Variants in SMOC2 observed in about 807,000 individuals in gnomAD.
SMOC2 encodes SPARC related modular calcium binding 2.
In SMOC2, 39 loss-of-function variants were observed where a neutral mutation model predicts 61.4. That is an observed-to-expected ratio of 0.64 (90% CI 0.49 to 0.83). The LOEUF is 0.83. Ranked by LOEUF, SMOC2 falls within the 40% of genes least tolerant of loss-of-function variation. The pLI is 0.00. For synonymous variants in SMOC2, 247 were observed against 239.9 expected (o/e 1.03, Z -0.27); for missense variants, 556 against 592.9 (o/e 0.94, Z 0.65).
intron 4 of SMOC2, 121 bp downstream of exon 4, chr6:168,527,848 G>C: frequency 1.4e-6 from 1 of 708,958 alleles, no homozygotes; most frequent in Non-Finnish European, 2.5e-6. Context: ...CCGGCATTGT[G>C]AGCCACAGTG....
At chr6:168,504,439 T>C (rs1782815349) in intron 1 of SMOC2, among the ~76,000 whole-genome samples, 1 of 150,148 alleles carries the variant, frequency 6.7e-6, no homozygotes, top group South Asian at 2.2e-4. Context: ...AGGCATTAGA[T>C]TCTCATAAGG....
intron 2 of SMOC2, among the ~76,000 whole-genome samples, chr6:168,519,161 A>C (rs748438020): frequency 7.0e-6 from 1 of 142,910 alleles, no homozygotes. Flanking sequence ...GCGTGTGTGT[A>C]TGCGTGCATG....
At chr6:168,489,353 ATATCAAATCATC>A (rs1782415571) in intron 1 of SMOC2, among the ~76,000 whole-genome samples, 3 of 150,582 alleles carry the variant, frequency 2.0e-5, no homozygotes, top group African/African-American at 7.5e-5. Context: ...AGAGTGAAAT[ATATCAAATCATC>A]TGGGTCCCCT....
intron 7 of SMOC2, among the ~76,000 whole-genome samples, chr6:168,588,507 C>A (rs1265042858): frequency 6.6e-6 from 1 of 152,132 alleles, no homozygotes; most frequent in Non-Finnish European, 1.5e-5. Context: ...GGCTCCAAGG[C>A]CCCACCCCCA....
chr6:168,625,698 T>C (rs1786390215), intron 9 of SMOC2, among the ~76,000 whole-genome samples: 1 of 152,214 alleles, frequency 6.6e-6, no homozygotes, highest in Non-Finnish European at 1.5e-5. Flanking sequence ...CCGAGCCAAG[T>C]GCCTGTGTCC....
intron 1 of SMOC2, 36 bp from the exon 2 acceptor site, chr6:168,509,878 CT>C (rs779206576): frequency 2.5e-6 from 4 of 1,576,378 alleles, no homozygotes; most frequent in Admixed American, 3.5e-5. Context: ...AAGAATGTGT[CT>C]TTAAATTTGT....
chr6:168,511,326 C>T (rs1783002892), intron 2 of SMOC2, among the ~76,000 whole-genome samples: 1 of 152,080 alleles, frequency 6.6e-6, no homozygotes, highest in African/African-American at 2.4e-5. Flanking sequence ...AGGAAGCTTA[C>T]AATCATGGCA....
chr6:168,541,134 T>G (rs1436668305), intron 4 of SMOC2, among the ~76,000 whole-genome samples: 1 of 152,238 alleles, frequency 6.6e-6, no homozygotes, highest in Non-Finnish European at 1.5e-5. Flanking sequence ...ACTTTGTGGC[T>G]TCTTCCACCA....
At chr6:168,564,408 A>T (rs1477459453) in intron 7 of SMOC2, among the ~76,000 whole-genome samples, 1 of 152,188 alleles carries the variant, frequency 6.6e-6, no homozygotes, top group African/African-American at 2.4e-5. Context: ...CATATGAAAT[A>T]TAACACTTCA....
rs1235292500 is a variant in SMOC2 at position 168,535,414 on chromosome 6, T to TAAAAAA, written c.463+7691_463+7692insAAAAAA. On this transcript the variant is annotated intron_variant, in intron 4 of 12. Transcript: ENST00000356284. This position sits in a 1 kb window ranked among gnomAD's most constrained non-coding sequence, Gnocchi z 4.6. Reference sequence around the variant, plus strand: ...ATGTTGCAAAGATTTATGAAACTATTAAAATGTTGTGTGGCCCTTTAGCAA... The same window carrying TAAAAAA: ...ATGTTGCAAAGATTTATGAAACTATTAAAAAAAAAATGTTGTGTGGCCCTTTAGCAA... Among the ~76,000 whole-genome samples, 1 of 152,216 alleles carries TAAAAAA rather than the reference T, an allele frequency of 6.6e-6. No individual in the cohort carries two copies. The highest frequency in any genetic ancestry group is 1.5e-5 in the Non-Finnish European group (1 of 68,044).
intron 9 of SMOC2, among the ~76,000 whole-genome samples, chr6:168,643,655 C>T (rs1274204921): frequency 4.6e-5 from 7 of 152,160 alleles, no homozygotes; most frequent in East Asian, 1.9e-4. Flanking sequence ...CGTGGGGCAG[C>T]GGGGAGAGCT....
At chr6:168,563,645 A>G (rs1334587671) in intron 7 of SMOC2, among the ~76,000 whole-genome samples, 2 of 152,090 alleles carry the variant, frequency 1.3e-5, no homozygotes, top group African/African-American at 4.8e-5. Flanking sequence ...CCTTATGAAA[A>G]GAGGCCCAGG....
intron 8 of SMOC2, among the ~76,000 whole-genome samples, chr6:168,607,005 G>T (rs896234300): frequency 6.6e-6 from 1 of 152,072 alleles, no homozygotes; most frequent in East Asian, 1.9e-4. Flanking sequence ...GAGGAAAGTT[G>T]GTGTGGGCTG....
At chr6:168,493,861 T>A (rs114496558) in intron 1 of SMOC2, among the ~76,000 whole-genome samples, 1,535 of 152,352 alleles carry the variant, frequency 0.01, 30 homozygotes, top group African/African-American at 0.034. Flanking sequence ...TAACTGTCTT[T>A]ATCTTTTCTA....
At chr6:168,632,291 G>A (rs1384050039) in intron 9 of SMOC2, among the ~76,000 whole-genome samples, 2 of 152,088 alleles carry the variant, frequency 1.3e-5, no homozygotes, top group East Asian at 1.9e-4. Context: ...TTGGCCATAC[G>A]CAATTATAGA....
chr6:168,451,599 G>GTCTCTGTCTC (rs1781465084), intron 1 of SMOC2, among the ~76,000 whole-genome samples: 22 of 145,630 alleles, frequency 1.5e-4, no homozygotes, highest in Admixed American at 1.2e-3. Context: ...CTCTGTCTCT[G>GTCTCTGTCTC]TCTCTCTCTC....
chr6:168,546,945 T>C (rs1784018492), intron 5 of SMOC2, 174 bp from the exon 6 acceptor site: 2 of 755,894 alleles, frequency 2.6e-6, no homozygotes, highest in Non-Finnish European at 4.7e-6. Flanking sequence ...AAGACTGGTA[T>C]AGTCATTCCA....
chr6:168,656,749 A>C (rs1460533464), intron 11 of SMOC2, among the ~76,000 whole-genome samples: 1 of 152,124 alleles, frequency 6.6e-6, no homozygotes, highest in East Asian at 1.9e-4. Context: ...TGTCATGGCG[A>C]CGCACTTCCT....
intron 12 of SMOC2, chr6:168,664,384 C>CTTTTTTTTTTTTTTTTTTTTTTT (rs750178882): frequency 1.4e-5 from 4 of 283,080 alleles, no homozygotes; most frequent in African/African-American, 1.2e-4. Context: ...TTTGGTAGAT[C>CTTTTTTTTTTTTTTTTTTTTTTT]TTTTTTTTTT....
Sources: allele counts gnomAD v4.1 joint callset (sites outside exome capture counted in the v4.1 genomes callset), GRCh38; gene constraint gnomAD v4.1.1; non-coding constraint Gnocchi (gnomAD v3.1); transcripts MANE v1.5; gene names NCBI Gene and HGNC (gene_info 2026-07-23, HGNC 2026-07-21).